The following SEZ6L variants were observed in gnomAD, a reference collection of about 807,000 sequenced individuals.
The protein encoded by SEZ6L is seizure 6-like protein.
A neutral mutation model predicts 106.2 loss-of-function variants in SEZ6L; 37 were observed. The ratio of observed to expected loss-of-function variants is 0.35; its 90% CI spans 0.27 to 0.46. The LOEUF is 0.46. SEZ6L is among the 20% of genes least tolerant of loss of function. SEZ6L has a pLI of 1.00. For synonymous variants in SEZ6L, 541 were observed against 570.4 expected (o/e 0.95, Z 0.73); for missense variants, 1,172 against 1,332.8 (o/e 0.88, Z 1.88).
At chr22:26,298,910 T>A in intron 4 of SEZ6L, 74 bp from the exon 5 acceptor site, 1 of 1,419,412 alleles carries the variant, frequency 7.0e-7, no homozygotes. Context: ...ACAAACTGGC[T>A]CCCAGGATGT....
At chr22:26,374,825 A>C (rs964539094) in intron 14 of SEZ6L, among the ~76,000 whole-genome samples, 4 of 152,220 alleles carry the variant, frequency 2.6e-5, no homozygotes, top group African/African-American at 9.6e-5. Flanking sequence ...CGCCTGCAGC[A>C]GCTGTTATAG....
intron 1 of SEZ6L, among the ~76,000 whole-genome samples, chr22:26,204,359 C>T (rs1034614346): frequency 6.6e-6 from 1 of 152,168 alleles, no homozygotes; most frequent in African/African-American, 2.4e-5. Context: ...AAATAATAGC[C>T]ATACCACAAA....
chr22:26,357,735 C>T (rs16981874), intron 12 of SEZ6L, among the ~76,000 whole-genome samples: 3,398 of 152,268 alleles, frequency 0.022, 142 homozygotes, highest in African/African-American at 0.077. Context: ...AATGATGTTA[C>T]TATTACTGTC....
intron 12 of SEZ6L, among the ~76,000 whole-genome samples, chr22:26,354,140 A>G: frequency 6.6e-6 from 1 of 152,114 alleles, no homozygotes; most frequent in African/African-American, 2.4e-5. Context: ...GACCTTGATT[A>G]GAACTTCAAA....
At chr22:26,190,343 G>A (rs1940107880) in intron 1 of SEZ6L, among the ~76,000 whole-genome samples, 1 of 152,006 alleles carries the variant, frequency 6.6e-6, no homozygotes, top group Admixed American at 6.6e-5. Flanking sequence ...TATAAATTAT[G>A]CACTTGATGG....
intron 3 of SEZ6L, among the ~76,000 whole-genome samples, chr22:26,294,787 T>TCTTG (rs1192901999): frequency 6.6e-6 from 1 of 152,056 alleles, no homozygotes; most frequent in Non-Finnish European, 1.5e-5. Context: ...TTTGATTCTT[T>TCTTG]CTTGCTTGCT....
chr22:26,308,243 GGA>G (rs2081699738), intron 6 of SEZ6L, among the ~76,000 whole-genome samples: 2 of 150,440 alleles, frequency 1.3e-5, no homozygotes, highest in Non-Finnish European at 2.9e-5. Context: ...ATTGGATAAT[GGA>G]TCCAAAAATA....
chr22:26,207,934 G>A (rs1941362912), intron 1 of SEZ6L, among the ~76,000 whole-genome samples: 1 of 146,166 alleles, frequency 6.8e-6, no homozygotes, highest in African/African-American at 2.6e-5. Context: ...TTTTGAGACG[G>A]AGTCTCGCTC....
chr22:26,327,639 G>T (rs114301205), intron 9 of SEZ6L, among the ~76,000 whole-genome samples: 2 of 120,734 alleles, frequency 1.7e-5, no homozygotes, highest in Admixed American at 8.6e-5. Context: ...CACACCACAC[G>T]CACCACATGA....
chr22:26,265,556 A>G (rs1184006109), intron 1 of SEZ6L, among the ~76,000 whole-genome samples: 1 of 152,180 alleles, frequency 6.6e-6, no homozygotes, highest in Non-Finnish European at 1.5e-5. Context: ...TCTTCCTCTC[A>G]CTGGAACTGA....
In SEZ6L at chr22:26,381,932, A is replaced by T; in HGVS notation, c.*1637A>T. 2.0e-6 allele frequency: 1 copy of T among 491,522 alleles called. No homozygotes were observed. The highest frequency in any genetic ancestry group is 4.1e-6 in the Non-Finnish European group (1 of 246,484). The allele number at this position is 491,522 out of a possible 1,614,324, so 30.4% of individuals were successfully genotyped here. A position where few individuals can be genotyped will look rare whatever the true frequency, so the allele number is the denominator to read the frequency against. ...AAAAGACCTTTCTGGCCATAGGGAG[A>T]ATAGCAGGGAGTCTATGTTTTGGTG... is the stretch of plus-strand genomic sequence containing the variant. On this transcript the variant is annotated 3_prime_UTR_variant, in exon 17 of 17. Transcript: ENST00000248933.
At chr22:26,255,020 AG>A (rs1278157330) in intron 1 of SEZ6L, among the ~76,000 whole-genome samples, 1 of 152,216 alleles carries the variant, frequency 6.6e-6, no homozygotes, top group East Asian at 1.9e-4. Context: ...AGCTTCCAGC[AG>A]AGCCAACCTG....
intron 1 of SEZ6L, among the ~76,000 whole-genome samples, chr22:26,212,158 G>A (rs866715463): frequency 3.3e-5 from 5 of 152,130 alleles, no homozygotes; most frequent in East Asian, 1.9e-4. Context: ...AATTAGAAGC[G>A]GGTCAATGGG....
chr22:26,323,775 T>TTGATGA lies in SEZ6L; in HGVS notation c.2015+9893_2015+9898dup, dbSNP rs149299221. ...CTAAATACTGGCACACATTATCTCA[T>TTGATGA]TGATGATGATGATGATGATGATGAT... On this transcript the variant is annotated intron_variant, in intron 9 of 16. Transcript: ENST00000248933. 7.2e-3 allele frequency among the ~76,000 whole-genome samples: 1,093 copies of TTGATGA among 151,720 alleles called. 10 individuals are homozygous for TTGATGA. The highest frequency in any genetic ancestry group is 0.024 in the African/African-American group (1,011 of 41,394).
intron 9 of SEZ6L, among the ~76,000 whole-genome samples, chr22:26,333,680 G>T (rs755306358): frequency 2.6e-5 from 4 of 152,178 alleles, no homozygotes; most frequent in African/African-American, 4.8e-5. Context: ...ACATGGGAGG[G>T]CCTCAGGGAG....
At position 26,226,748 on chromosome 22, in the gene SEZ6L, C is replaced by G. The variant is rs149910985; in HGVS notation, c.94+56985C>G. Among the ~76,000 whole-genome samples, 77 of 152,322 alleles carry G rather than the reference C, an allele frequency of 5.1e-4. No individual in the cohort carries two copies. The East Asian group carries it at 0.013, about 26-fold the overall frequency. On this transcript the variant is annotated intron_variant, in intron 1 of 16. Transcript: ENST00000248933. ...CCCAGGAATGGCCATGTGACACCAT[C>G]TGGCCAATGGGATGTAAGCAGAAGC...
intron 1 of SEZ6L, among the ~76,000 whole-genome samples, chr22:26,181,294 A>G (rs1939371893): frequency 6.6e-6 from 1 of 152,214 alleles, no homozygotes; most frequent in Admixed American, 6.5e-5. Context: ...AGAGCTCCCA[A>G]GACTTTTCAT....
intron 1 of SEZ6L, among the ~76,000 whole-genome samples, chr22:26,214,470 A>T (rs887042015): frequency 6.6e-6 from 1 of 152,256 alleles, no homozygotes; most frequent in African/African-American, 2.4e-5. Flanking sequence ...ATTAAAGGTT[A>T]TGGATTCCCT....
intron 10 of SEZ6L, among the ~76,000 whole-genome samples, chr22:26,343,997 G>C (rs775831715): frequency 5.9e-5 from 9 of 152,150 alleles, no homozygotes; most frequent in Non-Finnish European, 1.2e-4. Context: ...CATGAGAAGG[G>C]TATTTGTTAT....
Sources: allele counts gnomAD v4.1 joint callset (sites outside exome capture counted in the v4.1 genomes callset), GRCh38; gene constraint gnomAD v4.1.1; transcripts MANE v1.5; gene names NCBI Gene and HGNC (gene_info 2026-07-23, HGNC 2026-07-21).